OPCML: variants seen among roughly 807,000 people sequenced by gnomAD.
OPCML encodes the protein opioid binding protein/cell adhesion molecule like, also known as opioid-binding protein/cell adhesion molecule.
Under a neutral mutation model 37.8 loss-of-function variants are expected in OPCML, and 13 were observed. That is an observed-to-expected ratio of 0.34 (90% confidence interval 0.22 to 0.55). The LOEUF (loss-of-function observed/expected upper bound fraction) is 0.55. Among genes scored for constraint, OPCML ranks in the 20% least tolerant of loss-of-function variants. OPCML has a pLI of 0.91. For missense variants in OPCML, 341 were observed against 435.6 expected (o/e 0.78, Z 1.93); for synonymous variants, 176 against 168.8 (o/e 1.04, Z -0.33).
At chr11:132,526,695 T>A (rs1319582893) in intron 4 of OPCML, among the ~76,000 whole-genome samples, 3 of 152,140 alleles carry the variant, frequency 2.0e-5, no homozygotes, top group African/African-American at 4.8e-5. Context: ...AAGAAAAAAA[T>A]TCAGATCATT....
At chr11:132,584,280 G>A (rs2096467904) in intron 3 of OPCML, among the ~76,000 whole-genome samples, 1 of 152,084 alleles carries the variant, frequency 6.6e-6, no homozygotes, top group Non-Finnish European at 1.5e-5. Flanking sequence ...GCAATCAATT[G>A]ATGCTACTTA....
chr11:133,286,470 CAAAA>C (rs60645863), intron 1 of OPCML, among the ~76,000 whole-genome samples: 174 of 51,300 alleles, frequency 3.4e-3, no homozygotes, highest in Middle Eastern at 0.015. Context: ...CTGTGTCTCA[CAAAA>C]AAAAAAAAAA....
At chr11:132,530,346 C>T (rs1565641171) in intron 3 of OPCML, among the ~76,000 whole-genome samples, 5 of 152,028 alleles carry the variant, frequency 3.3e-5, no homozygotes, top group Non-Finnish European at 7.4e-5. Flanking sequence ...GATTCCTTCT[C>T]ACCTCTTATT....
intron 2 of OPCML, among the ~76,000 whole-genome samples, chr11:132,907,595 C>A (rs1944287839): frequency 6.6e-6 from 1 of 150,396 alleles, no homozygotes; most frequent in South Asian, 2.1e-4. Context: ...CACGCCACTG[C>A]ACTCCAGCCT....
rs374787960 is a variant in OPCML, at chr11:132,916,063, A to C, written c.146+26863T>G. Among the ~76,000 whole-genome samples, 67 of 151,714 alleles carry C rather than the reference A, an allele frequency of 4.4e-4. No homozygotes were observed. The South Asian group carries it at 0.013, about 30-fold the overall frequency. On this transcript the variant is annotated intron_variant, in intron 2 of 7. Transcript: ENST00000524381. ...TGTGCATGTATGGGTAAAATTCTTT[A>C]TTTTTCTGATGCTGTCAGAAGTTTC... is the stretch of plus-strand genomic sequence containing the variant.
rs569914736 is a variant in OPCML, at chr11:133,391,749, T to G, written c.61+140515A>C. 1.1e-4 allele frequency among the ~76,000 whole-genome samples: 16 copies of G among 152,304 alleles called. No individual in the cohort carries two copies. In the South Asian group the frequency reaches 1.9e-3, roughly 18 times the overall value. ...TAAAAATTACAATAACAGCAAGAAC[T>G]TATCAATGCTTATCACGTGTCAGAC... On this transcript the variant is annotated intron_variant, in intron 1 of 7. Transcript: ENST00000524381.
intron 4 of OPCML, among the ~76,000 whole-genome samples, chr11:132,472,176 G>T (rs1425507260): frequency 6.6e-6 from 1 of 152,172 alleles, no homozygotes; most frequent in East Asian, 1.9e-4. Flanking sequence ...ATACTTCTCT[G>T]CACTTGGTGA....
At chr11:133,087,398 GCCTAGAA>G (rs1391254451) in intron 1 of OPCML, among the ~76,000 whole-genome samples, 2 of 152,100 alleles carry the variant, frequency 1.3e-5, no homozygotes, top group Non-Finnish European at 2.9e-5. Context: ...CAGGTAGTGA[GCCTAGAA>G]CCTAATAGGG....
chr11:132,805,678 G>C (rs973164872), intron 2 of OPCML, among the ~76,000 whole-genome samples: 3 of 152,124 alleles, frequency 2.0e-5, no homozygotes, highest in Non-Finnish European at 4.4e-5. Flanking sequence ...GCCAGCAAAA[G>C]TTTCACAGGC....
chr11:132,617,652 C>A (rs1591630722), intron 3 of OPCML, among the ~76,000 whole-genome samples: 1 of 152,162 alleles, frequency 6.6e-6, no homozygotes, highest in South Asian at 2.1e-4. Context: ...TTCTTGTAGC[C>A]CTGGGGGCTG....
chr11:132,847,554 G>C (rs573568103), intron 2 of OPCML, among the ~76,000 whole-genome samples: 1 of 152,006 alleles, frequency 6.6e-6, no homozygotes, highest in Admixed American at 6.6e-5. Flanking sequence ...ATTGTTCTGC[G>C]TAAGTATTCT....
intron 3 of OPCML, among the ~76,000 whole-genome samples, chr11:132,564,032 T>C (rs2137522860): frequency 6.6e-6 from 1 of 152,256 alleles, no homozygotes; most frequent in Middle Eastern, 3.4e-3. Flanking sequence ...AACTCACTGG[T>C]CCCTTTTATG....
At chr11:132,510,031 G>T (rs2096265509) in intron 4 of OPCML, among the ~76,000 whole-genome samples, 1 of 152,168 alleles carries the variant, frequency 6.6e-6, no homozygotes. Context: ...ACCCACAGAG[G>T]CAGAGCTGCC....
chr11:132,968,916 A>T (rs946096194), intron 1 of OPCML, among the ~76,000 whole-genome samples: 1 of 152,182 alleles, frequency 6.6e-6, no homozygotes, highest in Admixed American at 6.5e-5. Flanking sequence ...AGGAGTGGTG[A>T]GAGAGGACAT....
rs923819330 is a variant in OPCML, at chr11:133,206,045, T to C, written c.62-263035A>G. Among the ~76,000 whole-genome samples the C allele has an allele frequency of 6.6e-6, 1 of 152,220 alleles. No homozygotes were observed. The highest frequency in any genetic ancestry group is 1.5e-5 in the Non-Finnish European group (1 of 68,038). On this transcript the variant is annotated intron_variant, in intron 1 of 7. Transcript: ENST00000524381. This position sits in a 1 kb window ranked among gnomAD's most constrained non-coding sequence, Gnocchi z 4.7. ...GAATACAAGAGCTAATGTACATACA[T>C]GATGTAGTACCATGTCTAGTGCCTA...
chr11:132,991,250 A>G (rs1344039775), intron 1 of OPCML, among the ~76,000 whole-genome samples: 1 of 152,202 alleles, frequency 6.6e-6, no homozygotes, highest in Non-Finnish European at 1.5e-5. Context: ...TTCATCTTGC[A>G]TCTGCTTTAA....
At chr11:132,921,903 A>G (rs972203121) in intron 2 of OPCML, among the ~76,000 whole-genome samples, 5 of 151,716 alleles carry the variant, frequency 3.3e-5, no homozygotes, top group Non-Finnish European at 7.4e-5. Flanking sequence ...TTTTTGAGAC[A>G]GAGTCTCGCT....
chr11:132,501,269 T>C (rs2096244964), intron 4 of OPCML, among the ~76,000 whole-genome samples: 1 of 152,034 alleles, frequency 6.6e-6, no homozygotes, highest in African/African-American at 2.4e-5. Flanking sequence ...CCTAAAACCA[T>C]AAAAACCCTC....
intron 1 of OPCML, among the ~76,000 whole-genome samples, chr11:133,441,196 C>T (rs950139917): frequency 1.3e-5 from 2 of 151,470 alleles, no homozygotes; most frequent in African/African-American, 2.4e-5. Flanking sequence ...TTCTGTTACA[C>T]ACAGACAGTA....
Sources: allele counts gnomAD v4.1 joint callset (sites outside exome capture counted in the v4.1 genomes callset), GRCh38; gene constraint gnomAD v4.1.1; non-coding constraint Gnocchi (gnomAD v3.1); transcripts MANE v1.5; gene names NCBI Gene and HGNC (gene_info 2026-07-23, HGNC 2026-07-21).